Variants in PARVA observed in about 807,000 individuals in gnomAD.
The protein encoded by PARVA is alpha-parvin.
Under a neutral mutation model 52.6 loss-of-function variants are expected in PARVA, and 25 were observed. The ratio of observed to expected loss-of-function variants is 0.48; its 90% CI spans 0.35 to 0.66. PARVA has a LOEUF of 0.66. PARVA is among the 30% of genes least tolerant of loss of function. The pLI is 0.01. For missense variants in PARVA, 373 were observed against 450.9 expected (o/e 0.83, Z 1.56); for synonymous variants, 185 against 179.1 (o/e 1.03, Z -0.26).
chr11:12,451,679 T>C (rs751752623), intron 1 of PARVA, among the ~76,000 whole-genome samples: 5 of 152,244 alleles, frequency 3.3e-5, no homozygotes, highest in Admixed American at 6.5e-5. Context: ...ATTTCTCTTT[T>C]ACATACTCTA....
rs879108461 is a variant in PARVA, at chr11:12,508,591, A to G, written c.665A>G (p.Glu222Gly). ...SIQVVVVQKR[E>G]GILQSRQIQE... ...TCCCCACCCCCATTTCAGAAACGAG[A>G]AGGAATCCTCCAGTCTCGGCAAATC... is the stretch of plus-strand genomic sequence containing the variant. Residue 222 changes from glutamate to glycine, a missense_variant, in exon 7 of 13, where the codon GAA becomes GGA. Coordinates refer to ENST00000334956, the MANE Select transcript of PARVA (RefSeq NM_018222.5). The G allele has an allele frequency of 2.5e-6, 4 of 1,608,600 alleles. No homozygotes were observed. The African/African-American group carries it at 5.4e-5, about 22-fold the overall frequency.
chr11:12,525,598 G>T (rs968648281), intron 12 of PARVA, among the ~76,000 whole-genome samples: 2 of 152,166 alleles, frequency 1.3e-5, no homozygotes, highest in African/African-American at 4.8e-5. Flanking sequence ...GCAGTCAGGG[G>T]AGGACAGGAA....
intron 1 of PARVA, among the ~76,000 whole-genome samples, chr11:12,459,731 A>G (rs1940750514): frequency 6.6e-6 from 1 of 152,244 alleles, no homozygotes; most frequent in African/African-American, 2.4e-5. Context: ...CAGGCTATAG[A>G]ACCCAGTATG....
intron 4 of PARVA, among the ~76,000 whole-genome samples, chr11:12,486,756 G>A (rs1009074104): frequency 1.3e-5 from 2 of 152,136 alleles, no homozygotes; most frequent in African/African-American, 4.8e-5. Flanking sequence ...TGAGGCAGGA[G>A]GATCACTTGA....
chr11:12,502,724 A>G (rs77827805), intron 5 of PARVA, among the ~76,000 whole-genome samples: 4,124 of 152,280 alleles, frequency 0.027, 179 homozygotes, highest in African/African-American at 0.093. Context: ...TTTTAATTGA[A>G]AAGATGGCAG....
chr11:12,496,516 G>T lies in PARVA; in HGVS notation c.459G>T (p.Gln153His). ...VAEVTQSEIA[Q>H]KQKLQTVLEK... ...AGGTCACCCAGTCAGAGATTGCTCA[G>T]AAGCAAAAACTGCAGACTGTCCTGG... The change falls in exon 5 of 13, where the codon CAG (glutamine) becomes CAT (histidine). Residue 153 changes from glutamine (Q) to histidine (H), a missense_variant. Physicochemically the swap from Gln to His is conservative, Grantham distance 24 (BLOSUM62 0). Transcript: ENST00000334956. The T allele has an allele frequency of 6.2e-7, 1 of 1,609,896 alleles. No homozygotes were observed. Among genetic ancestry groups the T allele is most frequent in the Non-Finnish European group, 8.5e-7 (1 of 1,178,170 alleles).
At chr11:12,404,603 G>A (rs986892367) in intron 1 of PARVA, among the ~76,000 whole-genome samples, 3 of 152,234 alleles carry the variant, frequency 2.0e-5, no homozygotes, top group Admixed American at 1.3e-4. Context: ...GGTGGCCAGG[G>A]CCATGTGCCA....
chr11:12,463,795 A>G (rs978308575), intron 1 of PARVA, among the ~76,000 whole-genome samples: 13 of 152,148 alleles, frequency 8.5e-5, no homozygotes, highest in African/African-American at 2.9e-4. Flanking sequence ...AATTTATTCA[A>G]TTATTTATAT....
chr11:12,396,020 G>C (rs1181080769), intron 1 of PARVA, among the ~76,000 whole-genome samples: 1 of 152,112 alleles, frequency 6.6e-6, no homozygotes, highest in Non-Finnish European at 1.5e-5. Flanking sequence ...CCTTTTATTT[G>C]TATACGTATC....
At position 12,533,808 on chromosome 11, in the gene PARVA, C is replaced by CAGA. The variant is rs56689985; in HGVS notation, c.*5883_*5884insAGA. ...CCTCATGGTCATCACATTGAGTAGG[C>CAGA]GGAGGAGGAGGAGGAGGAGGAGGAG... is the stretch of plus-strand genomic sequence containing the variant. On this transcript the variant is annotated 3_prime_UTR_variant, in exon 13 of 13. Coordinates refer to ENST00000334956, the MANE Select transcript of PARVA (RefSeq NM_018222.5). 6.7e-6 allele frequency among the ~76,000 whole-genome samples: 1 copy of CAGA among 150,164 alleles called. No homozygotes were observed. The highest frequency in any genetic ancestry group is 6.6e-5 in the Admixed American group (1 of 15,066).
At chr11:12,433,612 C>T (rs1940346116) in intron 1 of PARVA, among the ~76,000 whole-genome samples, 1 of 152,162 alleles carries the variant, frequency 6.6e-6, no homozygotes, top group Non-Finnish European at 1.5e-5. Context: ...ACAAAGCTTG[C>T]AGTTTCACCG....
At chr11:12,523,600 A>G (rs1432711593) in intron 12 of PARVA, among the ~76,000 whole-genome samples, 1 of 152,134 alleles carries the variant, frequency 6.6e-6, no homozygotes, top group Non-Finnish European at 1.5e-5. Context: ...TCCTGATAGA[A>G]AGAGTCACTA....
At chr11:12,391,817 A>G (rs963681674) in intron 1 of PARVA, among the ~76,000 whole-genome samples, 3 of 152,208 alleles carry the variant, frequency 2.0e-5, no homozygotes, top group African/African-American at 7.2e-5. Context: ...AGTCCAGAGG[A>G]GAGGTGGTCT....
intron 3 of PARVA, chr11:12,476,969 C>G (rs1941022579): frequency 6.6e-6 from 1 of 152,140 alleles, no homozygotes; most frequent in South Asian, 2.1e-4. Flanking sequence ...GGCCTGTGGT[C>G]AGGGATGAGG....
intron 1 of PARVA, among the ~76,000 whole-genome samples, chr11:12,403,203 A>G (rs1939854106): frequency 6.6e-6 from 1 of 151,332 alleles, no homozygotes; most frequent in Non-Finnish European, 1.5e-5. Flanking sequence ...TATTTAACCC[A>G]CTCCTGTCCC....
At chr11:12,378,230 C>T (rs966309060) in intron 1 of PARVA, among the ~76,000 whole-genome samples, 1 of 152,210 alleles carries the variant, frequency 6.6e-6, no homozygotes, top group Admixed American at 6.5e-5. Flanking sequence ...CGCTCTTACT[C>T]GTTGCCTTCA....
chr11:12,499,362 C>T (rs1371899733), intron 5 of PARVA, among the ~76,000 whole-genome samples: 7 of 152,042 alleles, frequency 4.6e-5, no homozygotes, highest in South Asian at 4.2e-4. Context: ...GGCGCCTCTC[C>T]GCTCAGGATG....
rs372221573 is a variant in PARVA, at chr11:12,514,078, C to A, written c.867+13C>A. On this transcript the variant is annotated intron_variant, in intron 10 of 12. Coordinates refer to ENST00000334956, the MANE Select transcript of PARVA (RefSeq NM_018222.5). Reference sequence around the variant, plus strand: ...ACTGGAAACCCAGGTGGGTGACAGACCCCAGCACAGGTAGAGGCAGGGCCC... The same window carrying A: ...ACTGGAAACCCAGGTGGGTGACAGAACCCAGCACAGGTAGAGGCAGGGCCC... 5.6e-6 allele frequency: 9 copies of A among 1,607,608 alleles called. No homozygotes were observed. The highest frequency in any genetic ancestry group is 3.3e-4 in the Middle Eastern group (2 of 6,050).
chr11:12,431,422 G>A (rs949176435), intron 1 of PARVA, among the ~76,000 whole-genome samples: 2 of 152,220 alleles, frequency 1.3e-5, no homozygotes, highest in African/African-American at 2.4e-5. Context: ...GTGGCTGTGG[G>A]ACCCATCTGA....
Sources: allele counts gnomAD v4.1 joint callset (sites outside exome capture counted in the v4.1 genomes callset), GRCh38; gene constraint gnomAD v4.1.1; transcripts MANE v1.5; gene names NCBI Gene and HGNC (gene_info 2026-07-23, HGNC 2026-07-21).